Variants in MKRN1 observed in about 807,000 individuals in gnomAD.
MKRN1 encodes makorin ring finger protein 1.
Under a neutral mutation model 55.5 loss-of-function variants are expected in MKRN1, and 9 were observed. That is an observed-to-expected ratio of 0.16 (90% confidence interval 0.10 to 0.28). MKRN1 has a LOEUF of 0.28. Ranked by LOEUF, MKRN1 falls within the 10% of genes least tolerant of loss-of-function variation. The probability of loss-of-function intolerance (pLI) is 1.00; values close to 1 mark genes in which losing one functional copy is unlikely to be tolerated. For missense variants in MKRN1, 488 were observed against 626.7 expected (o/e 0.78, Z 2.36); for synonymous variants, 253 against 235.9 (o/e 1.07, Z -0.66).
At position 140,472,050 on chromosome 7, in the gene MKRN1, T is replaced by C. The variant is rs374316963; in HGVS notation, c.186-39A>G. On this transcript the variant is annotated intron_variant, in intron 1 of 7. Transcript: ENST00000255977. ...GACCACAAAACTGGATTAAAACCAA[T>C]CCTTGAAAATATTAAAACTAATTAG... 1.1e-4 allele frequency: 177 copies of C among 1,612,340 alleles called. 1 individual carries two copies. The highest frequency in any genetic ancestry group is 2.0e-4 in the African/African-American group (15 of 74,922).
At position 140,455,454 on chromosome 7, in the gene MKRN1, A is replaced by G. The variant is rs888100552; in HGVS notation, c.1098-221T>C. On this transcript the variant is annotated intron_variant, in intron 6 of 7. Coordinates refer to ENST00000255977, the MANE Select transcript of MKRN1 (RefSeq NM_013446.4). Reference sequence around the variant, plus strand: ...TATGCTGGTTAATAGCTCTAGTACAAGCAGATGCCATAGAGAGAAAATCTT... The same window carrying G: ...TATGCTGGTTAATAGCTCTAGTACAGGCAGATGCCATAGAGAGAAAATCTT... 5 of 589,822 alleles carry G rather than the reference A, an allele frequency of 8.5e-6. No homozygotes were observed. In the Admixed American group the frequency reaches 1.2e-4, roughly 14 times the overall value. The allele number at this position is 589,822 out of a possible 1,614,324, so 36.5% of individuals were successfully genotyped here.
At chr7:140,474,625 T>C (rs2130363379) in intron 1 of MKRN1, 1 of 155,990 alleles carries the variant, frequency 6.4e-6, no homozygotes, top group South Asian at 1.7e-4. Flanking sequence ...TTATTACTTA[T>C]TTCCTCTCAC....
chr7:140,460,756 T>C (rs887554008), intron 2 of MKRN1, among the ~76,000 whole-genome samples: 8 of 152,168 alleles, frequency 5.3e-5, no homozygotes, highest in African/African-American at 1.7e-4. Flanking sequence ...AGGAAGGCAA[T>C]AGACTGGGGG....
intron 1 of MKRN1, chr7:140,473,127 A>C: frequency 2.8e-6 from 1 of 362,134 alleles, no homozygotes; most frequent in East Asian, 8.6e-5. Flanking sequence ...AAAGAAAAAA[A>C]GATATAGTCT....
At chr7:140,477,735 G>C (rs1231689108) in intron 1 of MKRN1, among the ~76,000 whole-genome samples, 1 of 152,188 alleles carries the variant, frequency 6.6e-6, no homozygotes, top group East Asian at 1.9e-4. Flanking sequence ...TGGGATTACA[G>C]GCGTGAGCCA....
intron 5 of MKRN1, 183 bp downstream of exon 5, chr7:140,456,469 G>A: frequency 7.0e-7 from 1 of 1,425,886 alleles, no homozygotes; most frequent in Non-Finnish European, 9.1e-7. Context: ...TCAAATAAAA[G>A]TAGATAGACC....
At chr7:140,462,907 G>A (rs942625773) in intron 2 of MKRN1, among the ~76,000 whole-genome samples, 3 of 152,092 alleles carry the variant, frequency 2.0e-5, no homozygotes, top group South Asian at 2.1e-4. Flanking sequence ...CGGATGTTGC[G>A]GTGAGCCAAG....
At chr7:140,461,750 G>A (rs1229149081) in intron 2 of MKRN1, among the ~76,000 whole-genome samples, 2 of 152,146 alleles carry the variant, frequency 1.3e-5, no homozygotes, top group African/African-American at 4.8e-5. Context: ...TTGGGAGGGT[G>A]AGGCGGGTGG....
At chr7:140,457,876 C>T (rs1585465380) in intron 4 of MKRN1, among the ~76,000 whole-genome samples, 1 of 152,126 alleles carries the variant, frequency 6.6e-6, no homozygotes, top group East Asian at 1.9e-4. Flanking sequence ...TTTATCCTGC[C>T]TAAATTCACA....
chr7:140,456,009 AC>A (rs1303951896), intron 5 of MKRN1, 109 bp from the exon 6 acceptor site: 1 of 1,076,312 alleles, frequency 9.3e-7, no homozygotes, highest in East Asian at 2.4e-5. Context: ...ACTGAAAGGC[AC>A]GTGGGCATTT....
chr7:140,462,703 G>T (rs530578114), intron 2 of MKRN1, among the ~76,000 whole-genome samples: 2 of 152,092 alleles, frequency 1.3e-5, no homozygotes, highest in Admixed American at 6.6e-5. Flanking sequence ...AGTGGCTCAC[G>T]CCTGTAATCC....
At chr7:140,458,944 G>T in intron 4 of MKRN1, 63 bp downstream of exon 4, 3 of 1,525,100 alleles carry the variant, frequency 2.0e-6, no homozygotes, top group East Asian at 2.3e-5. Context: ...AACCCACAAT[G>T]CTGTGAAAGG....
Position 140,453,619 on chromosome 7 carries a change from C to G in MKRN1, c.*898G>C, listed in dbSNP as rs1180524232. 2 of 152,330 alleles carry G rather than the reference C, an allele frequency of 1.3e-5. No homozygotes were observed. The highest frequency in any genetic ancestry group is 2.9e-5 in the Non-Finnish European group (2 of 68,040). The allele number at this position is 152,330 out of a possible 1,614,324, so 9.4% of individuals were successfully genotyped here. The stretch of plus-strand genomic sequence containing the variant: ...AGGTAGTTTTAACCTCTATGGCTAA[C>G]CCCATTTCTCTATTTATATAGACAG... On this transcript the variant is annotated 3_prime_UTR_variant, in exon 8 of 8. Coordinates refer to ENST00000255977, the MANE Select transcript of MKRN1 (RefSeq NM_013446.4).
At chr7:140,457,235 G>A (rs1459225161) in intron 4 of MKRN1, among the ~76,000 whole-genome samples, 4 of 151,916 alleles carry the variant, frequency 2.6e-5, no homozygotes, top group South Asian at 4.2e-4. Context: ...AAAACCTGTC[G>A]GAAAATAAGG....
rs371344862 is a variant in MKRN1, at chr7:140,454,025, G to C, written c.*492C>G. The C allele has an allele frequency of 5.5e-6, 1 of 180,430 alleles. No homozygotes were observed. The allele number at this position is 180,430 out of a possible 1,614,324, so 11.2% of individuals were successfully genotyped here. ...CACGTGGTAGGGATTACAGGGTAGGGAACAGATATAAAAACACAGATGTGC... is the reference window on the plus strand; with the variant it reads ...CACGTGGTAGGGATTACAGGGTAGGCAACAGATATAAAAACACAGATGTGC... On this transcript the variant is annotated 3_prime_UTR_variant, in exon 8 of 8. Coordinates refer to ENST00000255977, the MANE Select transcript of MKRN1 (RefSeq NM_013446.4).
At position 140,459,635 on chromosome 7, in the gene MKRN1, T is replaced by C. The variant is rs544776665; in HGVS notation, c.544+72A>G. Reference sequence around the variant, plus strand: ...GGAATAGAAGCAGAAAGGGGAAAGTTGTCAAAACTAAGCAAATGGATGAAC... The same window carrying C: ...GGAATAGAAGCAGAAAGGGGAAAGTCGTCAAAACTAAGCAAATGGATGAAC... On this transcript the variant is annotated intron_variant, in intron 3 of 7. Coordinates refer to ENST00000255977, the MANE Select transcript of MKRN1 (RefSeq NM_013446.4). 1,483 of 1,431,414 alleles carry C rather than the reference T, an allele frequency of 1.0e-3. 2 individuals carry two copies. The highest frequency in any genetic ancestry group is 1.3e-3 in the Non-Finnish European group (1,301 of 1,023,362). The allele number at this position is 1,431,414 out of a possible 1,614,324, so 88.7% of individuals were successfully genotyped here.
rs778737482 is a variant in MKRN1, at chr7:140,456,721, T to C, written c.917A>G (p.Asn306Ser). ...AATGCACTTGAGACAGTAGGTGTGGTTGCAGTTGGAGAGGATCCCGAAGCG... is the reference window on the plus strand; with the variant it reads ...AATGCACTTGAGACAGTAGGTGTGGCTGCAGTTGGAGAGGATCCCGAAGCG... ...ERRFGILSNC[N>S]HTYCLKCIRK... The change falls in exon 5 of 8, where the codon AAC (asparagine) becomes AGC (serine). Residue 306 changes from asparagine to serine, a missense_variant. Asn to Ser is a conservative substitution (Grantham distance 46, BLOSUM62 1). Around this residue, in one of 2 missense-constraint regions of MKRN1, gnomAD observed 278 missense variants for 406.7 expected, o/e 0.68. Coordinates refer to ENST00000255977, the MANE Select transcript of MKRN1 (RefSeq NM_013446.4). 3 of 1,614,130 alleles carry C rather than the reference T, an allele frequency of 1.9e-6. No individual in the cohort carries two copies. The highest frequency in any genetic ancestry group is 1.7e-5 in the Admixed American group (1 of 60,000).
intron 5 of MKRN1, chr7:140,456,311 T>C (rs767190133): frequency 5.8e-6 from 7 of 1,206,448 alleles, no homozygotes; most frequent in Middle Eastern, 3.5e-4. Context: ...ATGAATGGAA[T>C]AGGAAAGTGG....
intron 6 of MKRN1, 164 bp from the exon 7 acceptor site, chr7:140,455,397 A>G: frequency 1.2e-6 from 1 of 807,904 alleles, no homozygotes; most frequent in Non-Finnish European, 1.9e-6. Flanking sequence ...TGCAAGAAAC[A>G]CTAACTAGAA....
Sources: gnomAD v4.1 joint callset for allele counts (sites outside exome capture counted in the v4.1 genomes callset) on GRCh38, gnomAD v4.1.1 for gene constraint, gnomAD v4.1.1 regional missense constraint, MANE v1.5 for transcripts, NCBI Gene and HGNC (gene_info 2026-07-23, HGNC 2026-07-21) for gene names.